UBAP2L: variants seen among roughly 807,000 people sequenced by gnomAD.
UBAP2L encodes the protein ubiquitin-associated protein 2-like.
UBAP2L carries 12 observed loss-of-function variants against 130.6 expected under a neutral mutation model. The observed-to-expected ratio is 0.09, with a 90% CI of 0.06 to 0.15. The LOEUF is 0.15. UBAP2L is among the 10% of genes least tolerant of loss of function. The pLI is 1.00. For missense variants in UBAP2L, 965 were observed against 1,332.5 expected (o/e 0.72, Z 4.29); for synonymous variants, 503 against 524.7 (o/e 0.96, Z 0.57).
downstream of UBAP2L, chr1:154,271,221 GA>G (rs577569176): frequency 5.8e-5 from 19 of 327,262 alleles, no homozygotes; most frequent in Non-Finnish European, 7.9e-5. Context: ...CCATTTCAAA[GA>G]AAAAAAATGC....
At chr1:154,268,721 C>T (rs1428307715) in intron 25 of UBAP2L, 36 bp from the exon 26 acceptor site, 4 of 1,604,362 alleles carry the variant, frequency 2.5e-6, no homozygotes, top group South Asian at 1.1e-5. Context: ...GTTTGCTGAT[C>T]CCTTTTACTC....
rs182119047 is a variant in UBAP2L, at chr1:154,253,454, G to C, written c.1665-446G>C. Among the ~76,000 whole-genome samples, 379 of 145,292 alleles carry C rather than the reference G, an allele frequency of 2.6e-3. 3 individuals carry two copies. Among genetic ancestry groups the C allele is most frequent in the African/African-American group, 9.6e-3 (364 of 38,006 alleles). On this transcript the variant is annotated intron_variant, in intron 14 of 26. Coordinates refer to ENST00000428931, the MANE Select transcript of UBAP2L (RefSeq NM_014847.4). ...GGCTGGAGTGCAGTGGCTTGATCTC[G>C]GCTCACTGCAAGCTGCGCCTCCCGG...
At chr1:154,253,626 C>T (rs185272149) in intron 14 of UBAP2L, among the ~76,000 whole-genome samples, 22 of 152,164 alleles carry the variant, frequency 1.4e-4, no homozygotes, top group African/African-American at 5.3e-4. Context: ...CCCGCCTCGA[C>T]CTTCCAAAGT....
At chr1:154,236,725 T>G (rs1026258164) in intron 7 of UBAP2L, 114 bp downstream of exon 7, 30 of 1,102,274 alleles carry the variant, frequency 2.7e-5, no homozygotes, top group Non-Finnish European at 4.1e-5. Context: ...TATGGGGACT[T>G]AGGGCTCATT....
intron 12 of UBAP2L, 66 bp from the exon 13 acceptor site, chr1:154,250,975 G>A: frequency 6.6e-7 from 1 of 1,508,284 alleles, no homozygotes; most frequent in Non-Finnish European, 9.0e-7. Context: ...TGCTAGTGCA[G>A]GACAATAGCA....
chr1:154,261,106 C>G lies in UBAP2L; in HGVS notation c.2793C>G (p.Phe931Leu), dbSNP rs371765310. The G allele has an allele frequency of 6.2e-7, 1 of 1,613,484 alleles. No homozygotes were observed. The highest frequency in any genetic ancestry group is 1.1e-5 in the South Asian group (1 of 91,034). The change falls in exon 23 of 27, where the codon TTC (phenylalanine) becomes TTG (leucine). Residue 931 changes from phenylalanine to leucine, a missense_variant. This residue lies in a region of UBAP2L where 194 missense variants were observed against 334.0 expected (regional missense o/e 0.58). Coordinates refer to ENST00000428931, the MANE Select transcript of UBAP2L (RefSeq NM_014847.4). The part of the protein sequence containing the change: ...PSTFQYGPAV[F>L]PVAPTSSKQH... The stretch of plus-strand genomic sequence containing the variant: ...CCTTCCAGTATGGGCCTGCTGTGTT[C>G]CCTGTGAGTACCTGGCTTTGGTCAC...
intron 14 of UBAP2L, 98 bp downstream of exon 14, chr1:154,251,751 T>A: frequency 1.2e-5 from 16 of 1,352,304 alleles, no homozygotes; most frequent in Non-Finnish European, 1.5e-5. Flanking sequence ...CAAGCCCCTC[T>A]GCATGGCTGA....
At chr1:154,255,602 T>C in intron 17 of UBAP2L, 81 bp from the exon 18 acceptor site, 1 of 1,494,774 alleles carries the variant, frequency 6.7e-7, no homozygotes, top group Non-Finnish European at 9.3e-7. Flanking sequence ...ATGTCTTATT[T>C]CCTTGTTATG....
intron 8 of UBAP2L, 80 bp from the exon 9 acceptor site, chr1:154,241,433 T>C: frequency 6.8e-7 from 1 of 1,463,780 alleles, no homozygotes; most frequent in South Asian, 1.2e-5. Flanking sequence ...CCAAAAAAAT[T>C]AATACATTGA....
intron 20 of UBAP2L, 122 bp downstream of exon 20, chr1:154,257,556 T>A: frequency 1.0e-6 from 1 of 988,394 alleles, no homozygotes. Context: ...GCCCTGCAGT[T>A]GGCTCTGTGG....
chr1:154,228,868 AC>A, intron 4 of UBAP2L, 143 bp downstream of exon 4: 1 of 534,560 alleles, frequency 1.9e-6, no homozygotes, highest in Non-Finnish European at 3.3e-6. Context: ...GAGATTGTTC[AC>A]CACAGGTTAT....
At chr1:154,240,158 A>G (rs1369334901) in intron 8 of UBAP2L, among the ~76,000 whole-genome samples, 1 of 152,152 alleles carries the variant, frequency 6.6e-6, no homozygotes, top group Non-Finnish European at 1.5e-5. Context: ...GAAGGATTGA[A>G]GAGTTATTTA....
At chr1:154,237,695 G>A (rs555077072) in intron 8 of UBAP2L, among the ~76,000 whole-genome samples, 31 of 152,188 alleles carry the variant, frequency 2.0e-4, no homozygotes, top group Admixed American at 2.0e-3. Flanking sequence ...ATCTGAACAA[G>A]AAGATTTCGA....
intron 20 of UBAP2L, among the ~76,000 whole-genome samples, chr1:154,258,206 G>A (rs1392531510): frequency 6.6e-6 from 1 of 152,140 alleles, no homozygotes; most frequent in Non-Finnish European, 1.5e-5. Context: ...CCCAGGTTCA[G>A]ACAGTCCTCC....
At chr1:154,253,819 A>G in intron 14 of UBAP2L, 81 bp from the exon 15 acceptor site, 2 of 1,382,360 alleles carry the variant, frequency 1.4e-6, no homozygotes, top group Non-Finnish European at 2.0e-6. Context: ...TTATTCCACT[A>G]GTAGATCTCC....
Position 154,270,610 on chromosome 1 carries a change from G to T in UBAP2L, c.*315G>T, listed in dbSNP as rs1019750490. 1 of 1,413,164 alleles carries T rather than the reference G, an allele frequency of 7.1e-7. No individual in the cohort carries two copies. The highest frequency in any genetic ancestry group is 9.2e-7 in the Non-Finnish European group (1 of 1,089,006). The allele number at this position is 1,413,164 out of a possible 1,614,324, so 87.5% of individuals were successfully genotyped here. A position where few individuals can be genotyped will look rare whatever the true frequency, so the allele number is the denominator to read the frequency against. ...CCTCCTGTTCACCCTGGTGGTGTAC[G>T]GATGAGGCGGGGAGGTGGGACCCCC... On this transcript the variant is annotated 3_prime_UTR_variant, in exon 27 of 27. Transcript: ENST00000428931.
At chr1:154,226,829 A>G (rs1372477603) in intron 2 of UBAP2L, among the ~76,000 whole-genome samples, 1 of 152,012 alleles carries the variant, frequency 6.6e-6, no homozygotes, top group Admixed American at 6.6e-5. Context: ...TGATTTAAGC[A>G]TCTTTTTTTT....
chr1:154,249,898 T>TA, intron 12 of UBAP2L, among the ~76,000 whole-genome samples: 1 of 151,262 alleles, frequency 6.6e-6, no homozygotes, highest in South Asian at 2.1e-4. Flanking sequence ...TTTTTAACCA[T>TA]ATACATAGTT....
At chr1:154,236,996 A>C (rs774990202) in intron 7 of UBAP2L, 28 bp from the exon 8 acceptor site, 1 of 1,576,224 alleles carries the variant, frequency 6.3e-7, no homozygotes, top group East Asian at 2.2e-5. Context: ...CTTAGAGGTC[A>C]GAGACTCTTA....
Sources: allele counts gnomAD v4.1 joint callset (sites outside exome capture counted in the v4.1 genomes callset), GRCh38; gene constraint gnomAD v4.1.1; regional missense constraint gnomAD v4.1.1; transcripts MANE v1.5; gene names NCBI Gene and HGNC (gene_info 2026-07-23, HGNC 2026-07-21).